The following PLEK2 variants were observed in gnomAD, a reference collection of about 807,000 sequenced individuals.
PLEK2 encodes pleckstrin 2.
Under a neutral mutation model 43.8 loss-of-function variants are expected in PLEK2, and 29 were observed. The observed-to-expected ratio is 0.66, with a 90% CI of 0.49 to 0.90. The LOEUF is 0.90. Ranked by LOEUF, PLEK2 falls within the 40% of genes least tolerant of loss-of-function variation. The pLI, the probability that PLEK2 is intolerant of heterozygous loss-of-function variation, is 0.00. For synonymous variants in PLEK2, 162 were observed against 173.2 expected, an observed-to-expected ratio of 0.94 and a Z score of 0.51; for missense variants, 398 against 448.1, an observed-to-expected ratio of 0.89 and a Z score of 1.01.
At chr14:67,402,561 C>T (rs2086055876) in intron 1 of PLEK2, among the ~76,000 whole-genome samples, 1 of 152,220 alleles carries the variant, frequency 6.6e-6, no homozygotes, top group East Asian at 1.9e-4. Context: ...TAACCATTCC[C>T]ATCTCCCCGG....
chr14:67,409,364 G>C (rs1351322095), intron 1 of PLEK2, among the ~76,000 whole-genome samples: 1 of 152,174 alleles, frequency 6.6e-6, no homozygotes, highest in Non-Finnish European at 1.5e-5. Flanking sequence ...GCAACAGAGT[G>C]AGACCTCATC....
chr14:67,409,473 G>A (rs1299437228), intron 1 of PLEK2, among the ~76,000 whole-genome samples: 1 of 152,118 alleles, frequency 6.6e-6, no homozygotes, highest in Non-Finnish European at 1.5e-5. Context: ...AAATCTCTAG[G>A]CCAGAGCATG....
intron 7 of PLEK2, among the ~76,000 whole-genome samples, chr14:67,389,551 T>C (rs567257549): frequency 5.9e-5 from 9 of 152,320 alleles, no homozygotes; most frequent in African/African-American, 2.2e-4. Flanking sequence ...TTTCCATCTA[T>C]GTATGTATAT....
At chr14:67,409,006 G>C (rs1271604717) in intron 1 of PLEK2, among the ~76,000 whole-genome samples, 1 of 151,084 alleles carries the variant, frequency 6.6e-6, no homozygotes, top group Non-Finnish European at 1.5e-5. Flanking sequence ...CTTGAGCCCA[G>C]GAGTTCAAGA....
In PLEK2 at chr14:67,395,456, T is replaced by C. The variant is rs1248936467; in HGVS notation, c.335A>G (p.Gln112Arg). Reference sequence around the variant, plus strand: ...GGAGTTTCTCAGGCTGTGCAGCTGCTGGACCTTCCCCGGCTGCCCTGCATG... The same window carrying C: ...GGAGTTTCTCAGGCTGTGCAGCTGCCGGACCTTCCCCGGCTGCCCTGCATG... ...AIHAGQPGKV[Q>R]QLHSLRNSFK... The change falls in exon 3 of 9, where the codon CAG (glutamine) becomes CGG (arginine). Residue 112 changes from glutamine to arginine, a missense_variant. Transcript: ENST00000216446. 6.2e-7 allele frequency: 1 copy of C among 1,613,922 alleles called. No individual in the cohort carries two copies. The highest frequency in any genetic ancestry group is 1.3e-5 in the African/African-American group (1 of 74,940).
At position 67,400,680 on chromosome 14, in the gene PLEK2, T is replaced by C. The variant is rs189207369; in HGVS notation, c.43-2854A>G. On this transcript the variant is annotated intron_variant, in intron 1 of 8. Transcript: ENST00000216446. ...GGTAGGAGGGAGGTGGGAGGTGGAGTAGAGGAGAGGGCAAAAGAATCTTAG... is the reference window on the plus strand; with the variant it reads ...GGTAGGAGGGAGGTGGGAGGTGGAGCAGAGGAGAGGGCAAAAGAATCTTAG... Among the ~76,000 whole-genome samples, 9 of 150,230 alleles carry C rather than the reference T, an allele frequency of 6.0e-5. No individual in the cohort carries two copies. In the East Asian group the frequency reaches 1.8e-3, roughly 30 times the overall value.
Position 67,404,578 on chromosome 14 carries a change from G to A in PLEK2, c.43-6752C>T, listed in dbSNP as rs1400130506. Among the ~76,000 whole-genome samples, 3 of 152,020 alleles carry A rather than the reference G, an allele frequency of 2.0e-5. No homozygotes were observed. In the South Asian group the frequency reaches 6.2e-4, roughly 32 times the overall value. On this transcript the variant is annotated intron_variant, in intron 1 of 8. Transcript: ENST00000216446. ...TAATCCCAGCACTTTGGGATGCTAA[G>A]ATGGGAGGATCACTTGAGCCTAGGA...
At chr14:67,411,868 T>G (rs2086117366) in intron 1 of PLEK2, 150 bp downstream of exon 1, 1 of 663,144 alleles carries the variant, frequency 1.5e-6, no homozygotes, top group Non-Finnish European at 2.4e-6. Context: ...GCTCTGCCCA[T>G]CAGGGCCACA....
At chr14:67,397,968 A>C in intron 1 of PLEK2, 142 bp from the exon 2 acceptor site, 1 of 623,180 alleles carries the variant, frequency 1.6e-6, no homozygotes, top group Non-Finnish European at 2.7e-6. Context: ...TTGTGTCTGG[A>C]TCTCTTCTGA....
chr14:67,407,025 G>C (rs1343588733), intron 1 of PLEK2, among the ~76,000 whole-genome samples: 1 of 152,114 alleles, frequency 6.6e-6, no homozygotes, highest in African/African-American at 2.4e-5. Context: ...AAGGACGAGG[G>C]GCCCATAAGC....
intron 1 of PLEK2, among the ~76,000 whole-genome samples, chr14:67,399,230 G>A (rs1158052704): frequency 2.0e-5 from 3 of 151,954 alleles, no homozygotes; most frequent in African/African-American, 7.3e-5. Flanking sequence ...GAGAAGGGTA[G>A]TTTAGGTGGC....
rs759403510 is a variant in PLEK2, at chr14:67,392,736, G to A, written c.595C>T (p.Arg199Ter). Residue 199 changes from arginine (R) to a stop codon, truncating the protein, a stop_gained, in exon 5 of 9, where the codon CGA (arginine) becomes TGA (stop). Coordinates refer to ENST00000216446, the MANE Select transcript of PLEK2 (RefSeq NM_016445.3). LOFTEE classifies it high-confidence loss of function. The part of the protein sequence containing the change: ...EENFLRPVGV[R>*]SMGAIRSGDL... ...CCAGAGCGAATGGCTCCCATGCTTCGGACACCCACAGGCCTGAGGAAGTTC... is the reference window on the plus strand; with the variant it reads ...CCAGAGCGAATGGCTCCCATGCTTCAGACACCCACAGGCCTGAGGAAGTTC... 18 of 1,613,994 alleles carry A rather than the reference G, an allele frequency of 1.1e-5. No homozygotes were observed. The highest frequency in any genetic ancestry group is 1.1e-4 in the African/African-American group (8 of 74,916).
intron 7 of PLEK2, among the ~76,000 whole-genome samples, chr14:67,390,229 A>G (rs534593233): frequency 2.0e-5 from 3 of 152,300 alleles, no homozygotes; most frequent in East Asian, 3.9e-4. Flanking sequence ...CTTAAATATT[A>G]TATGGTGACA....
chr14:67,389,548 CTATG>C (rs1178679334), intron 7 of PLEK2, among the ~76,000 whole-genome samples: 1 of 151,998 alleles, frequency 6.6e-6, no homozygotes, highest in African/African-American at 2.4e-5. Flanking sequence ...CTGTTTCCAT[CTATG>C]TATGTATATG....
At chr14:67,408,850 A>G (rs932256616) in intron 1 of PLEK2, among the ~76,000 whole-genome samples, 2 of 152,158 alleles carry the variant, frequency 1.3e-5, no homozygotes, top group African/African-American at 4.8e-5. Context: ...TACTATAAAC[A>G]TATTCAACAT....
Position 67,397,750 on chromosome 14 carries a change from C to G in PLEK2, c.119G>C (p.Gly40Ala). The G allele has an allele frequency of 6.2e-7, 1 of 1,613,470 alleles. No individual in the cohort carries two copies. Among genetic ancestry groups the G allele is most frequent in the South Asian group, 1.1e-5 (1 of 90,862 alleles). ...CTTGGGAGGGGTCACTCTCCGACCC[C>G]CCTCAAGCTTGTAGTACACCAGCGT... is the stretch of plus-strand genomic sequence containing the variant. ...QNTLVYYKLEGGRRVTPPKGR... is the reference protein window; with the variant it reads ...QNTLVYYKLEAGRRVTPPKGR... Residue 40 changes from glycine (G) to alanine (A), a missense_variant, in exon 2 of 9, where the codon GGG (glycine) becomes GCG (alanine). Gly to Ala is a moderately conservative substitution (Grantham distance 60). Transcript: ENST00000216446.
chr14:67,392,685 C>CA lies in PLEK2; in HGVS notation c.645dup (p.Asp216Ter). On this transcript the variant is annotated frameshift_variant, in exon 5 of 9. Coordinates refer to ENST00000216446, the MANE Select transcript of PLEK2 (RefSeq NM_016445.3). LOFTEE classifies it high-confidence loss of function. ...ACAAAAGTGTACAGGGCTGTGGAGT[C>CA]ATCCAGGAACTGCTCGGCCAGATCC... is the stretch of plus-strand genomic sequence containing the variant. The CA allele has an allele frequency of 1.2e-6, 2 of 1,614,090 alleles. No homozygotes were observed. Among genetic ancestry groups the CA allele is most frequent in the Non-Finnish European group, 1.7e-6 (2 of 1,179,930 alleles).
chr14:67,392,929 T>C (rs2085980092), intron 4 of PLEK2, 80 bp from the exon 5 acceptor site: 11 of 1,248,834 alleles, frequency 8.8e-6, no homozygotes, highest in Non-Finnish European at 1.1e-6. Flanking sequence ...CTCACTGACC[T>C]TGGCCCTCTG....
intron 1 of PLEK2, among the ~76,000 whole-genome samples, chr14:67,399,658 AG>A (rs1229206205): frequency 2.6e-4 from 38 of 147,224 alleles, no homozygotes; most frequent in Middle Eastern, 3.4e-3. Flanking sequence ...CTCAGGTGGC[AG>A]GAATAAAGAG....
Sources: gnomAD v4.1 joint callset for allele counts (sites outside exome capture counted in the v4.1 genomes callset) on GRCh38, gnomAD v4.1.1 for gene constraint, MANE v1.5 for transcripts, NCBI Gene and HGNC (gene_info 2026-07-23, HGNC 2026-07-21) for gene names.